The following ARHGAP42 variants were observed in gnomAD, a reference collection of about 807,000 sequenced individuals.
ARHGAP42 encodes Rho GTPase activating protein 42.
ARHGAP42 carries 63 observed loss-of-function variants against 125.0 expected under a neutral mutation model. That is an observed-to-expected ratio of 0.50 (90% CI 0.41 to 0.62). The LOEUF (loss-of-function observed/expected upper bound fraction) is 0.62, where lower values mean the gene tolerates loss of function less well. Ranked by LOEUF, ARHGAP42 falls within the 20% of genes least tolerant of loss-of-function variation. The pLI, the probability that ARHGAP42 is intolerant of heterozygous loss-of-function variation, is 0.00. For missense variants in ARHGAP42, 766 were observed against 1,024.2 expected, an observed-to-expected ratio of 0.75 and a Z score of 3.44; for synonymous variants, 339 against 351.0, an observed-to-expected ratio of 0.97 and a Z score of 0.38.
chr11:100,864,468 C>T (rs1157814039), intron 4 of ARHGAP42, among the ~76,000 whole-genome samples: 1 of 152,128 alleles, frequency 6.6e-6, no homozygotes, highest in African/African-American at 2.4e-5. Flanking sequence ...AGTCGTGAGC[C>T]ACCGCACCTG....
intron 2 of ARHGAP42, among the ~76,000 whole-genome samples, chr11:100,775,606 G>A (rs1308426471): frequency 2.0e-5 from 3 of 152,148 alleles, no homozygotes; most frequent in African/African-American, 7.2e-5. Flanking sequence ...TTTATGGTGG[G>A]TTAGTTCAAA....
At chr11:100,825,828 G>A (rs145777831) in intron 3 of ARHGAP42, among the ~76,000 whole-genome samples, 2 of 152,226 alleles carry the variant, frequency 1.3e-5, no homozygotes, top group East Asian at 3.9e-4. Flanking sequence ...TCCAATTTAG[G>A]CAGCTGTTTT....
chr11:100,751,193 C>T (rs1862443900), intron 1 of ARHGAP42, among the ~76,000 whole-genome samples: 1 of 151,864 alleles, frequency 6.6e-6, no homozygotes, highest in Non-Finnish European at 1.5e-5. Flanking sequence ...CCTGCCTTCG[C>T]CTCCCAAAGA....
chr11:100,915,441 A>G (rs1393299280), intron 5 of ARHGAP42, among the ~76,000 whole-genome samples: 2 of 152,152 alleles, frequency 1.3e-5, no homozygotes, highest in African/African-American at 2.4e-5. Flanking sequence ...ACTACAGGAA[A>G]ATTATGGGTG....
intron 4 of ARHGAP42, among the ~76,000 whole-genome samples, chr11:100,899,675 G>C (rs56042422): frequency 4.3e-5 from 4 of 92,712 alleles, no homozygotes; most frequent in African/African-American, 1.3e-4. Flanking sequence ...CCTGCTTTTT[G>C]TTTGTTTGTT....
chr11:100,822,818 T>G (rs2135079377), intron 3 of ARHGAP42, among the ~76,000 whole-genome samples: 1 of 152,260 alleles, frequency 6.6e-6, no homozygotes, highest in East Asian at 1.9e-4. Flanking sequence ...GGAGACATCT[T>G]TAGATAATTT....
chr11:100,926,827 G>A (rs902999283), intron 6 of ARHGAP42, among the ~76,000 whole-genome samples: 1 of 152,178 alleles, frequency 6.6e-6, no homozygotes, highest in African/African-American at 2.4e-5. Flanking sequence ...GAATCCCTTT[G>A]TTAGTTGTGG....
intron 22 of ARHGAP42, chr11:100,986,282 G>C: frequency 2.8e-6 from 1 of 354,082 alleles, no homozygotes; most frequent in Non-Finnish European, 5.5e-6. Flanking sequence ...AATTTAAGAT[G>C]AACCTGAAGT....
At chr11:100,744,083 G>T (rs1013401523) in intron 1 of ARHGAP42, among the ~76,000 whole-genome samples, 6 of 152,138 alleles carry the variant, frequency 3.9e-5, no homozygotes, top group Middle Eastern at 3.2e-3. Flanking sequence ...TGATTCTCCT[G>T]CCTCAGCCTC....
intron 1 of ARHGAP42, among the ~76,000 whole-genome samples, chr11:100,723,092 C>T (rs912940688): frequency 1.6e-4 from 25 of 152,098 alleles, no homozygotes; most frequent in Admixed American, 5.9e-4. Context: ...GCTCCTTTGT[C>T]GAAGATCAGT....
At chr11:100,835,362 G>T (rs1279420044) in intron 3 of ARHGAP42, among the ~76,000 whole-genome samples, 2 of 152,010 alleles carry the variant, frequency 1.3e-5, no homozygotes, top group Non-Finnish European at 2.9e-5. Context: ...AACCCTAAAG[G>T]TTTCTGACTA....
At chr11:100,703,125 G>A (rs527954188) in intron 1 of ARHGAP42, among the ~76,000 whole-genome samples, 27 of 152,232 alleles carry the variant, frequency 1.8e-4, no homozygotes, top group Non-Finnish European at 2.9e-4. Context: ...ATACTGTTTC[G>A]TATTACTTTC....
intron 1 of ARHGAP42, among the ~76,000 whole-genome samples, chr11:100,744,544 G>GTC (rs1862255877): frequency 8.7e-6 from 1 of 115,434 alleles, no homozygotes; most frequent in African/African-American, 3.6e-5. Context: ...TACTCTGTGT[G>GTC]TGTGTGTGTG....
Position 100,936,308 on chromosome 11 carries a change from G to A in ARHGAP42, c.808G>A (p.Gly270Ser). 5 of 1,551,566 alleles carry A rather than the reference G, an allele frequency of 3.2e-6. No individual in the cohort carries two copies. Among genetic ancestry groups the A allele is most frequent in the Non-Finnish European group, 4.4e-6 (5 of 1,146,894 alleles). ...ACCACCCAGCCAGTGGACGATGGAA[G>A]GCTATCTGTATGTCCAGGAGAAACG... ...YRPPSQWTME[G>S]YLYVQEKRPL... The change falls in exon 8 of 24, where the codon GGC becomes AGC. Residue 270 changes from glycine (G) to serine (S), a missense_variant. By Grantham distance (56) the Gly-to-Ser change is moderately conservative (BLOSUM62 0). This residue lies in a region of ARHGAP42 where 455 missense variants were observed against 636.5 expected (regional missense o/e 0.71). Coordinates refer to ENST00000298815, the MANE Select transcript of ARHGAP42 (RefSeq NM_152432.4).
intron 4 of ARHGAP42, among the ~76,000 whole-genome samples, chr11:100,899,856 T>A (rs1474301795): frequency 6.6e-6 from 1 of 152,152 alleles, no homozygotes; most frequent in African/African-American, 2.4e-5. Flanking sequence ...CTTGACTCTT[T>A]ATCCAATTTG....
intron 3 of ARHGAP42, among the ~76,000 whole-genome samples, chr11:100,835,297 T>C (rs569781843): frequency 6.6e-6 from 1 of 152,312 alleles, no homozygotes; most frequent in Admixed American, 6.5e-5. Flanking sequence ...GCATTTTATA[T>C]TCTGTATATA....
chr11:100,948,761 C>A (rs1360446644), intron 11 of ARHGAP42, among the ~76,000 whole-genome samples: 6 of 151,976 alleles, frequency 3.9e-5, no homozygotes, highest in Non-Finnish European at 8.8e-5. Flanking sequence ...TAATTTAAAA[C>A]CCTAAAATTA....
intron 5 of ARHGAP42, among the ~76,000 whole-genome samples, chr11:100,918,672 TC>T (rs754450996): frequency 2.6e-5 from 4 of 152,310 alleles, no homozygotes; most frequent in South Asian, 4.1e-4. Context: ...AGAATGTCTT[TC>T]TATATCTTGT....
chr11:100,962,046 T>A (rs1048916860), intron 15 of ARHGAP42, among the ~76,000 whole-genome samples: 5 of 152,342 alleles, frequency 3.3e-5, no homozygotes, highest in South Asian at 4.1e-4. Flanking sequence ...TGTACTTTTT[T>A]AAATAACAAA....
Sources: gnomAD v4.1 joint callset for allele counts (sites outside exome capture counted in the v4.1 genomes callset) on GRCh38, gnomAD v4.1.1 for gene constraint, gnomAD v4.1.1 regional missense constraint, MANE v1.5 for transcripts, NCBI Gene and HGNC (gene_info 2026-07-23, HGNC 2026-07-21) for gene names.